GTF2F2: variants seen among roughly 807,000 people sequenced by gnomAD.
The protein encoded by GTF2F2 is general transcription factor IIF subunit 2, also known as ATP-dependent helicase GTF2F2.
Under a neutral mutation model 42.2 loss-of-function variants are expected in GTF2F2, and 23 were observed. The ratio of observed to expected loss-of-function variants is 0.55; its 90% CI spans 0.39 to 0.77. The LOEUF is 0.77. Ranked by LOEUF, GTF2F2 falls within the 30% of genes least tolerant of loss-of-function variation. The probability of loss-of-function intolerance (pLI) is 0.00; values close to 1 mark genes in which losing one functional copy is unlikely to be tolerated. For synonymous variants in GTF2F2, 105 were observed against 100.8 expected (o/e 1.04, Z -0.25); for missense variants, 261 against 287.2 (o/e 0.91, Z 0.66).
At chr13:45,174,510 G>A (rs1242738553) in intron 4 of GTF2F2, among the ~76,000 whole-genome samples, 1 of 151,414 alleles carries the variant, frequency 6.6e-6, no homozygotes, top group Admixed American at 6.6e-5. Context: ...TATAATTTTA[G>A]CATTTAAGCC....
At chr13:45,194,384 T>C in intron 4 of GTF2F2, 1 of 1,614,176 alleles carries the variant, frequency 6.2e-7, no homozygotes, top group South Asian at 1.1e-5. Flanking sequence ...CCATTTACTA[T>C]ACCTTCAAGG....
intron 5 of GTF2F2, among the ~76,000 whole-genome samples, chr13:45,209,416 C>A (rs1461603234): frequency 1.3e-5 from 2 of 152,090 alleles, no homozygotes; most frequent in African/African-American, 2.4e-5. Flanking sequence ...ATTGTTAAGC[C>A]ATGCATGACT....
chr13:45,256,155 C>T (rs6561215), intron 6 of GTF2F2, among the ~76,000 whole-genome samples: 54,752 of 151,864 alleles, frequency 0.36, 13,579 homozygotes, highest in African/African-American at 0.7. Flanking sequence ...ATAAAATCTT[C>T]TCCAATTGTT....
At chr13:45,234,221 A>G (rs1874832795) in intron 5 of GTF2F2, among the ~76,000 whole-genome samples, 1 of 152,220 alleles carries the variant, frequency 6.6e-6, no homozygotes, top group South Asian at 2.1e-4. Flanking sequence ...TCCTATAATA[A>G]TAGTCATTCT....
At chr13:45,163,678 C>T (rs924598323) in intron 4 of GTF2F2, among the ~76,000 whole-genome samples, 1 of 151,958 alleles carries the variant, frequency 6.6e-6, no homozygotes, top group Admixed American at 6.6e-5. Context: ...TTTTAAAAAC[C>T]TCATTCAAGG....
At chr13:45,150,094 T>G (rs953340787) in intron 3 of GTF2F2, among the ~76,000 whole-genome samples, 2 of 152,218 alleles carry the variant, frequency 1.3e-5, no homozygotes, top group Non-Finnish European at 2.9e-5. Flanking sequence ...GCATTTGATA[T>G]GGATTTTTTG....
intron 4 of GTF2F2, among the ~76,000 whole-genome samples, chr13:45,175,416 TC>T (rs1871826936): frequency 6.6e-6 from 1 of 152,218 alleles, no homozygotes; most frequent in South Asian, 2.1e-4. Flanking sequence ...TGCAGACATC[TC>T]TTCAACATAC....
chr13:45,223,718 G>A (rs903793821), intron 5 of GTF2F2, among the ~76,000 whole-genome samples: 1 of 152,150 alleles, frequency 6.6e-6, no homozygotes, highest in African/African-American at 2.4e-5. Context: ...CCCCATGTCA[G>A]CTCTAAATGG....
At chr13:45,166,168 G>A (rs1057080890) in intron 4 of GTF2F2, among the ~76,000 whole-genome samples, 3 of 151,988 alleles carry the variant, frequency 2.0e-5, no homozygotes, top group Admixed American at 1.3e-4. Context: ...TAACCATAAG[G>A]TCATTATGAT....
chr13:45,216,987 G>T (rs1329058368), intron 5 of GTF2F2, among the ~76,000 whole-genome samples: 1 of 152,012 alleles, frequency 6.6e-6, no homozygotes, highest in Non-Finnish European at 1.5e-5. Context: ...TGTCTGCAGT[G>T]CTCTTGGTTG....
intron 4 of GTF2F2, among the ~76,000 whole-genome samples, chr13:45,176,454 G>T (rs1024541412): frequency 6.6e-6 from 1 of 152,102 alleles, no homozygotes; most frequent in African/African-American, 2.4e-5. Context: ...AGAGATGCTT[G>T]TTTAGATTTC....
chr13:45,138,369 GC>G (rs1293225594), intron 2 of GTF2F2, among the ~76,000 whole-genome samples: 1 of 152,166 alleles, frequency 6.6e-6, no homozygotes, highest in African/African-American at 2.4e-5. Context: ...TGTGTTCCAT[GC>G]CCTGGCTGTG....
intron 4 of GTF2F2, among the ~76,000 whole-genome samples, chr13:45,187,831 T>C (rs902966231): frequency 3.9e-5 from 6 of 152,368 alleles, no homozygotes; most frequent in Non-Finnish European, 7.3e-5. Flanking sequence ...CTAACATGCA[T>C]TGCTGTTTAA....
At chr13:45,211,090 C>T (rs563012429) in intron 5 of GTF2F2, among the ~76,000 whole-genome samples, 2 of 152,172 alleles carry the variant, frequency 1.3e-5, no homozygotes, top group South Asian at 4.2e-4. Context: ...CTCTTGTGGC[C>T]CAGCTGTGAA....
At chr13:45,241,914 G>A (rs1467497330) in intron 5 of GTF2F2, among the ~76,000 whole-genome samples, 2 of 152,130 alleles carry the variant, frequency 1.3e-5, no homozygotes, top group Non-Finnish European at 2.9e-5. Flanking sequence ...ATTTGTAAGA[G>A]ATGCTTGCCC....
intron 7 of GTF2F2, among the ~76,000 whole-genome samples, chr13:45,269,417 T>G (rs1186719374): frequency 3.3e-5 from 5 of 152,136 alleles, no homozygotes; most frequent in Admixed American, 1.3e-4. Context: ...GGTAGTTACC[T>G]CCTCCTAGAG....
chr13:45,273,655 ATT>A (rs773254844), intron 7 of GTF2F2, among the ~76,000 whole-genome samples: 13 of 123,830 alleles, frequency 1.0e-4, no homozygotes, highest in Admixed American at 2.5e-4. Flanking sequence ...GAGTGGTAAA[ATT>A]TTTTTTTTTT....
At chr13:45,193,993 T>C (rs903340778) in intron 4 of GTF2F2, 4 of 1,614,056 alleles carry the variant, frequency 2.5e-6, no homozygotes, top group African/African-American at 2.7e-5. Context: ...TTGGATGATA[T>C]TTGACGATAT....
At chr13:45,192,507 A>C (rs1872700041) in intron 4 of GTF2F2, among the ~76,000 whole-genome samples, 1 of 152,178 alleles carries the variant, frequency 6.6e-6, no homozygotes, top group Non-Finnish European at 1.5e-5. Context: ...ATTAAAATTA[A>C]GATTTAGTTA....
Sources: allele counts gnomAD v4.1 joint callset (sites outside exome capture counted in the v4.1 genomes callset), GRCh38; gene constraint gnomAD v4.1.1; transcripts MANE v1.5; gene names NCBI Gene and HGNC (gene_info 2026-07-23, HGNC 2026-07-21).